ZFR: variants seen among roughly 807,000 people sequenced by gnomAD.
ZFR encodes zinc finger RNA-binding protein.
ZFR carries 19 observed loss-of-function variants against 130.7 expected under a neutral mutation model. The observed-to-expected ratio is 0.15, with a 90% CI of 0.10 to 0.21. ZFR has a LOEUF of 0.21. Among genes scored for constraint, ZFR ranks in the 10% least tolerant of loss-of-function variants. ZFR has a pLI of 1.00. For synonymous variants in ZFR, 466 were observed against 456.9 expected (o/e 1.02, Z -0.25); for missense variants, 872 against 1,321.5 (o/e 0.66, Z 5.27).
intron 2 of ZFR, among the ~76,000 whole-genome samples, chr5:32,434,972 C>T (rs1055438636): frequency 5.3e-5 from 8 of 152,114 alleles, no homozygotes; most frequent in Admixed American, 2.0e-4. Context: ...GGCTGGAGTG[C>T]AGTGGCTCAA....
intron 4 of ZFR, among the ~76,000 whole-genome samples, chr5:32,415,523 C>CGCACGCGT (rs1554073624): frequency 7.6e-6 from 1 of 132,036 alleles, no homozygotes; most frequent in Non-Finnish European, 1.6e-5. Context: ...TGTGCGCGCG[C>CGCACGCGT]GCGCGCGCGC....
At chr5:32,402,627 AACTG>A (rs1753480743) in intron 8 of ZFR, among the ~76,000 whole-genome samples, 1 of 151,508 alleles carries the variant, frequency 6.6e-6, no homozygotes, top group Non-Finnish European at 1.5e-5. Context: ...AAAAAAAAAA[AACTG>A]GCTGTGTGTG....
At chr5:32,357,486 G>A (rs113614387) in intron 19 of ZFR, among the ~76,000 whole-genome samples, 1,632 of 152,186 alleles carry the variant, frequency 0.011, 36 homozygotes, top group African/African-American at 0.038. Context: ...GGCTGGTCTT[G>A]AACTCCTGAC....
At chr5:32,387,495 C>G (rs965599998) in intron 14 of ZFR, 54 bp downstream of exon 14, 1 of 1,590,992 alleles carries the variant, frequency 6.3e-7, no homozygotes, top group Non-Finnish European at 8.5e-7. Context: ...TCAGTCCCGC[C>G]AAAAACTTCT....
At chr5:32,432,748 T>C (rs1377389278) in intron 2 of ZFR, among the ~76,000 whole-genome samples, 1 of 152,114 alleles carries the variant, frequency 6.6e-6, no homozygotes, top group East Asian at 1.9e-4. Flanking sequence ...ATTTCTTCTT[T>C]TTATTTTTTT....
intron 4 of ZFR, among the ~76,000 whole-genome samples, chr5:32,416,391 G>C (rs967927384): frequency 6.6e-6 from 1 of 152,120 alleles, no homozygotes; most frequent in Admixed American, 6.5e-5. Context: ...GAAGCGGGCA[G>C]ATCACCTGAG....
intron 2 of ZFR, among the ~76,000 whole-genome samples, chr5:32,431,377 C>T (rs568922256): frequency 2.6e-4 from 40 of 152,208 alleles, no homozygotes; most frequent in African/African-American, 9.4e-4. Context: ...AAACTAATGA[C>T]TAACTTTAGA....
intron 11 of ZFR, among the ~76,000 whole-genome samples, chr5:32,393,728 C>T (rs1197233253): frequency 1.3e-5 from 2 of 152,124 alleles, no homozygotes; most frequent in Admixed American, 6.5e-5. Context: ...GATAAAGGAT[C>T]CTGAGACCAA....
At chr5:32,397,903 G>C (rs1437312933) in intron 9 of ZFR, among the ~76,000 whole-genome samples, 3 of 119,706 alleles carry the variant, frequency 2.5e-5, no homozygotes, top group African/African-American at 9.6e-5. Flanking sequence ...TGTCGCTCAG[G>C]CTGGAGTGCA....
chr5:32,440,072 A>G (rs1202494707), intron 2 of ZFR, among the ~76,000 whole-genome samples: 3 of 152,156 alleles, frequency 2.0e-5, no homozygotes, highest in Non-Finnish European at 4.4e-5. Flanking sequence ...TTGCTATCCT[A>G]AAGTCCTTAG....
intron 2 of ZFR, among the ~76,000 whole-genome samples, chr5:32,440,048 T>G (rs569411574): frequency 1.3e-5 from 2 of 152,340 alleles, no homozygotes; most frequent in East Asian, 3.9e-4. Context: ...GAGAATTACC[T>G]TTCCTCATAT....
rs186719658 is a variant in ZFR at position 32,425,359 on chromosome 5, A to G, written c.138-5256T>C. ...TGGTGTGAGGCCAGGCTGCCTTCAT[A>G]TATTTTAATCCAAATAATTTACTGC... On this transcript the variant is annotated intron_variant, in intron 2 of 19. Transcript: ENST00000265069. Among the ~76,000 whole-genome samples, 14 of 152,350 alleles carry G rather than the reference A, an allele frequency of 9.2e-5. No homozygotes were observed. In the East Asian group the frequency reaches 1.9e-3, roughly 21 times the overall value.
chr5:32,431,797 C>G (rs1754230609), intron 2 of ZFR, among the ~76,000 whole-genome samples: 1 of 149,994 alleles, frequency 6.7e-6, no homozygotes, highest in African/African-American at 2.4e-5. Context: ...CAAACTTCCT[C>G]ACAGAATCAC....
In ZFR at chr5:32,373,400, G is replaced by A. The variant is rs1169641748; in HGVS notation, c.2835+5715C>T. 2.0e-5 allele frequency among the ~76,000 whole-genome samples: 3 copies of A among 152,132 alleles called. No individual in the cohort carries two copies. In the East Asian group the frequency reaches 5.8e-4, roughly 29 times the overall value. ...AGAGCAACACTCTGTCTCGGGGAAA[G>A]GGTGGGGAAATAAAATTCCCTCAAA... is the stretch of plus-strand genomic sequence containing the variant. On this transcript the variant is annotated intron_variant, in intron 17 of 19. Transcript: ENST00000265069.
chr5:32,420,125 T>C, intron 2 of ZFR, 22 bp from the exon 3 acceptor site: 1 of 1,487,588 alleles, frequency 6.7e-7, no homozygotes, highest in Non-Finnish European at 9.0e-7. Context: ...AGTACAAGAA[T>C]AAATATAATA....
At chr5:32,417,121 T>TCTA (rs1554073786) in intron 4 of ZFR, among the ~76,000 whole-genome samples, 250 of 114,672 alleles carry the variant, frequency 2.2e-3, no homozygotes, top group Non-Finnish European at 2.9e-3. Context: ...AGTCTCTCTC[T>TCTA]AAAAAAAAAA....
intron 5 of ZFR, among the ~76,000 whole-genome samples, chr5:32,413,228 C>G (rs1160234545): frequency 6.9e-6 from 1 of 145,852 alleles, no homozygotes; most frequent in African/African-American, 2.5e-5. Flanking sequence ...AAAAACAAAA[C>G]AAAACAAAAC....
chr5:32,368,424 G>A (rs1752594599), intron 17 of ZFR, among the ~76,000 whole-genome samples: 1 of 152,136 alleles, frequency 6.6e-6, no homozygotes, highest in South Asian at 2.1e-4. Flanking sequence ...TAGTAGAGAT[G>A]GGAGTTTCTC....
At chr5:32,403,014 G>T in intron 8 of ZFR, 92 bp downstream of exon 8, 1 of 1,315,432 alleles carries the variant, frequency 7.6e-7, no homozygotes, top group African/African-American at 1.5e-5. Context: ...GAGGAGGCAG[G>T]TCCAAGAACA....
Sources: allele counts gnomAD v4.1 joint callset (sites outside exome capture counted in the v4.1 genomes callset), GRCh38; gene constraint gnomAD v4.1.1; transcripts MANE v1.5; gene names NCBI Gene and HGNC (gene_info 2026-07-23, HGNC 2026-07-21).